NUP210L: variants seen among roughly 807,000 people sequenced by gnomAD.
NUP210L encodes nuclear pore membrane glycoprotein 210-like.
In NUP210L, 74 loss-of-function variants were observed where a neutral mutation model predicts 208.5. That is an observed-to-expected ratio of 0.35 (90% CI 0.29 to 0.43). The LOEUF is 0.43. Among genes scored for constraint, NUP210L ranks in the 20% least tolerant of loss-of-function variants. The probability of loss-of-function intolerance (pLI) is 1.00; values close to 1 mark genes in which losing one functional copy is unlikely to be tolerated. For missense variants in NUP210L, 1,843 were observed against 2,289.4 expected, an observed-to-expected ratio of 0.81 and a Z score of 3.98; for synonymous variants, 780 against 816.9, an observed-to-expected ratio of 0.95 and a Z score of 0.77.
chr1:154,061,539 A>T (rs763825127), intron 18 of NUP210L, 47 bp downstream of exon 18: 1 of 1,099,012 alleles, frequency 9.1e-7, no homozygotes, highest in East Asian at 2.5e-5. Context: ...AGAGCTTTAC[A>T]TTCCAATTAT....
chr1:154,000,368 C>G (rs920189962), intron 37 of NUP210L, among the ~76,000 whole-genome samples: 1 of 152,160 alleles, frequency 6.6e-6, no homozygotes, highest in African/African-American at 2.4e-5. Context: ...ATTGAACCCT[C>G]TACGTACTAT....
At chr1:154,109,845 GA>G (rs1371186318) in intron 12 of NUP210L, among the ~76,000 whole-genome samples, 2 of 151,234 alleles carry the variant, frequency 1.3e-5, no homozygotes, top group Non-Finnish European at 1.5e-5. Flanking sequence ...AAAATTTCTT[GA>G]AAAAAACAAA....
chr1:154,135,229 T>G (rs188280322), intron 7 of NUP210L, among the ~76,000 whole-genome samples: 111 of 152,270 alleles, frequency 7.3e-4, no homozygotes, highest in Non-Finnish European at 1.1e-3. Context: ...GTTTTCCCCA[T>G]TCCCCTAATT....
At chr1:154,074,017 G>GTTT (rs58739231) in intron 16 of NUP210L, among the ~76,000 whole-genome samples, 3 of 144,578 alleles carry the variant, frequency 2.1e-5, no homozygotes, top group African/African-American at 2.5e-5. Flanking sequence ...GTCCCCCTAA[G>GTTT]TTTTTTTTTT....
intron 10 of NUP210L, among the ~76,000 whole-genome samples, chr1:154,125,861 G>A (rs1358575832): frequency 3.9e-5 from 5 of 128,520 alleles, no homozygotes; most frequent in South Asian, 5.5e-4. Flanking sequence ...TCCGCCTCCC[G>A]GGTTCACGCC....
intron 17 of NUP210L, among the ~76,000 whole-genome samples, chr1:154,069,747 C>CT: frequency 6.6e-6 from 1 of 152,154 alleles, no homozygotes; most frequent in African/African-American, 2.4e-5. Context: ...AAGACACATG[C>CT]ACACGTATGT....
intron 12 of NUP210L, among the ~76,000 whole-genome samples, chr1:154,114,480 G>A (rs879689808): frequency 5.3e-5 from 8 of 152,034 alleles, no homozygotes; most frequent in Non-Finnish European, 1.0e-4. Flanking sequence ...AAACTCTCCA[G>A]CCCTAATCTT....
At chr1:154,148,052 G>A in intron 2 of NUP210L, among the ~76,000 whole-genome samples, 1 of 149,072 alleles carries the variant, frequency 6.7e-6, no homozygotes, top group African/African-American at 2.5e-5. Context: ...TAGGTCAGGA[G>A]TTCGAGACCA....
intron 7 of NUP210L, among the ~76,000 whole-genome samples, chr1:154,134,001 T>C (rs1012468098): frequency 1.3e-5 from 2 of 151,608 alleles, no homozygotes; most frequent in African/African-American, 4.9e-5. Context: ...AATACAAAAA[T>C]TAGCCGGGCA....
At chr1:154,141,568 A>C (rs762326824) in intron 3 of NUP210L, 44 bp from the exon 4 acceptor site, 14 of 1,149,346 alleles carry the variant, frequency 1.2e-5, no homozygotes, top group Middle Eastern at 1.9e-4. Context: ...TCACGTATTT[A>C]AAAATATTCA....
At chr1:154,023,395 T>C in intron 30 of NUP210L, 98 bp from the exon 31 acceptor site, 1 of 975,328 alleles carries the variant, frequency 1.0e-6, no homozygotes, top group Non-Finnish European at 1.5e-6. Context: ...GAGTGATGTT[T>C]CTTTTCCATA....
chr1:154,039,168 C>T (rs892028418), intron 27 of NUP210L, among the ~76,000 whole-genome samples: 4 of 151,882 alleles, frequency 2.6e-5, no homozygotes, highest in Admixed American at 2.0e-4. Context: ...GTAGTATTCC[C>T]ACTAGCATTT....
intron 17 of NUP210L, among the ~76,000 whole-genome samples, chr1:154,068,003 G>T (rs1182501537): frequency 2.0e-5 from 3 of 152,134 alleles, no homozygotes; most frequent in Admixed American, 6.5e-5. Context: ...TCAATATCAT[G>T]AAAATGGCCA....
intron 17 of NUP210L, among the ~76,000 whole-genome samples, chr1:154,062,768 C>A (rs539974121): frequency 6.6e-6 from 1 of 151,510 alleles, no homozygotes; most frequent in Non-Finnish European, 1.5e-5. Context: ...TTTGTAGAGA[C>A]GGGGTCTTGC....
intron 28 of NUP210L, among the ~76,000 whole-genome samples, chr1:154,028,210 G>C (rs894243653): frequency 3.9e-5 from 6 of 152,126 alleles, no homozygotes; most frequent in African/African-American, 4.8e-5. Flanking sequence ...TTTAGCCCAA[G>C]AATATCTGTA....
intron 33 of NUP210L, among the ~76,000 whole-genome samples, chr1:154,016,619 C>T (rs1651262082): frequency 6.6e-6 from 1 of 152,066 alleles, no homozygotes; most frequent in African/African-American, 2.4e-5. Flanking sequence ...TCTCCAAGTC[C>T]TTTTCTCCAA....
chr1:154,152,956 A>G (rs1009223029), intron 1 of NUP210L, 84 bp from the exon 2 acceptor site: 16 of 1,214,702 alleles, frequency 1.3e-5, no homozygotes, highest in East Asian at 9.5e-5. Flanking sequence ...CACTTCTTCC[A>G]TGTTACATAC....
intron 14 of NUP210L, 26 bp downstream of exon 14, chr1:154,099,972 C>T (rs1191616370): frequency 6.2e-7 from 1 of 1,611,854 alleles, no homozygotes; most frequent in Admixed American, 1.7e-5. Context: ...AAAGAAATGC[C>T]AGTTCCTTAC....
chr1:154,089,569 T>A (rs1246588931), exon 16 of NUP210L: 2 of 1,614,160 alleles, frequency 1.2e-6, no homozygotes, highest in Non-Finnish European at 1.7e-6. Context: ...GACACCTGGA[T>A]GATTTCCAAT....
Sources: allele counts gnomAD v4.1 joint callset (sites outside exome capture counted in the v4.1 genomes callset), GRCh38; gene constraint gnomAD v4.1.1; transcripts MANE v1.5; gene names NCBI Gene and HGNC (gene_info 2026-07-23, HGNC 2026-07-21).